The following RANBP17 variants were observed in gnomAD, a reference collection of about 807,000 sequenced individuals.
RANBP17 encodes ran-binding protein 17.
RANBP17 carries 158 observed loss-of-function variants against 141.2 expected under a neutral mutation model. That is an observed-to-expected ratio of 1.12 (90% CI 0.98 to 1.28). The LOEUF is 1.28. Among genes scored for constraint, RANBP17 ranks in the 50% most tolerant of loss-of-function variants. The probability of loss-of-function intolerance (pLI) is 0.00; values close to 1 mark genes in which losing one functional copy is unlikely to be tolerated. For synonymous variants in RANBP17, 430 were observed against 450.0 expected, an observed-to-expected ratio of 0.96 and a Z score of 0.56; for missense variants, 1,438 against 1,290.7, an observed-to-expected ratio of 1.11 and a Z score of -1.75.
chr5:171,272,645 T>TA (rs1226618586), intron 25 of RANBP17, among the ~76,000 whole-genome samples: 2 of 152,234 alleles, frequency 1.3e-5, no homozygotes, highest in Non-Finnish European at 2.9e-5. Flanking sequence ...TTCCTTTGTT[T>TA]AGTGGCTTCT....
intron 22 of RANBP17, among the ~76,000 whole-genome samples, chr5:171,228,350 G>A (rs1764000142): frequency 6.6e-6 from 1 of 152,204 alleles, no homozygotes; most frequent in South Asian, 2.1e-4. Flanking sequence ...CTGCAGATGT[G>A]GTTGAAACAG....
At chr5:171,255,648 A>G (rs1765833627) in intron 24 of RANBP17, among the ~76,000 whole-genome samples, 1 of 152,172 alleles carries the variant, frequency 6.6e-6, no homozygotes, top group Non-Finnish European at 1.5e-5. Context: ...AGTTTATCAA[A>G]AATTCAATAT....
intron 14 of RANBP17, among the ~76,000 whole-genome samples, chr5:171,157,728 CTG>C (rs1021851275): frequency 6.6e-6 from 1 of 152,208 alleles, no homozygotes; most frequent in Non-Finnish European, 1.5e-5. Flanking sequence ...TTTATGATGA[CTG>C]TGAACAGTAA....
chr5:170,870,455 T>A (rs923576179), intron 1 of RANBP17, among the ~76,000 whole-genome samples: 2 of 151,862 alleles, frequency 1.3e-5, no homozygotes, highest in Non-Finnish European at 2.9e-5. Flanking sequence ...CACTTATGGG[T>A]GAGAACATTT....
intron 14 of RANBP17, chr5:170,968,881 T>C (rs2446049): frequency 1 from 306,654 of 306,920 alleles, 153,197 homozygotes; most frequent in Middle Eastern, 1. Flanking sequence ...TTAGCATCAG[T>C]AAGTTAAGAT....
intron 12 of RANBP17, among the ~76,000 whole-genome samples, chr5:170,936,714 A>G (rs1773907783): frequency 6.6e-6 from 1 of 152,200 alleles, no homozygotes; most frequent in Admixed American, 6.5e-5. Context: ...TTTTGGGTGT[A>G]ATATAAATAT....
intron 14 of RANBP17, among the ~76,000 whole-genome samples, chr5:171,031,612 C>T (rs1221853123): frequency 6.6e-6 from 1 of 151,894 alleles, no homozygotes; most frequent in Non-Finnish European, 1.5e-5. Flanking sequence ...TTTTAAATTT[C>T]TTCATGTTCA....
At chr5:170,920,916 C>T (rs139131573) in intron 11 of RANBP17, among the ~76,000 whole-genome samples, 1,778 of 152,166 alleles carry the variant, frequency 0.012, 32 homozygotes, top group African/African-American at 0.041. Flanking sequence ...CTGTTCATAT[C>T]CTTTGCCCAC....
chr5:171,182,736 G>A (rs1418925588), intron 16 of RANBP17, among the ~76,000 whole-genome samples: 1 of 151,970 alleles, frequency 6.6e-6, no homozygotes, highest in East Asian at 1.9e-4. Flanking sequence ...TACCAAGAGA[G>A]CTCACTATTT....
intron 14 of RANBP17, among the ~76,000 whole-genome samples, chr5:171,056,340 A>G (rs983084005): frequency 1.2e-4 from 19 of 152,282 alleles, no homozygotes; most frequent in South Asian, 6.2e-4. Context: ...CACCTTTTAA[A>G]GAGGATCAAA....
At chr5:171,022,893 ATG>A (rs1780976064) in intron 14 of RANBP17, among the ~76,000 whole-genome samples, 1 of 152,182 alleles carries the variant, frequency 6.6e-6, no homozygotes, top group African/African-American at 2.4e-5. Context: ...TGGGGTTGGG[ATG>A]CTAGCCCCAG....
chr5:171,076,324 G>A (rs1784917960), intron 14 of RANBP17, among the ~76,000 whole-genome samples: 1 of 152,144 alleles, frequency 6.6e-6, no homozygotes, highest in Admixed American at 6.5e-5. Flanking sequence ...AAGAAACAAT[G>A]AAAGATATCT....
At chr5:170,967,260 A>G (rs1017922748) in intron 13 of RANBP17, among the ~76,000 whole-genome samples, 34 of 152,124 alleles carry the variant, frequency 2.2e-4, no homozygotes, top group African/African-American at 8.2e-4. Flanking sequence ...CTGTACATAC[A>G]TAAAACATTC....
In RANBP17 at chr5:171,274,147, T is replaced by TGCGCGC. The variant is rs1491523668; in HGVS notation, c.2943+8301_2943+8302insCGCGCG. On this transcript the variant is annotated intron_variant, in intron 25 of 27. Transcript: ENST00000523189. ...GTGTGTGTGTGTGTGTGTGTGTGTG[T>TGCGCGC]GTGCGCGCGCGCGCGCGTGCGCAAA... 4.1e-5 allele frequency among the ~76,000 whole-genome samples: 5 copies of TGCGCGC among 122,950 alleles called. No individual in the cohort carries two copies. The East Asian group carries it at 6.7e-4, about 17-fold the overall frequency. 80.7% of individuals were successfully genotyped at this position (122,950 alleles called of 152,430 possible).
At chr5:170,896,238 A>G in intron 5 of RANBP17, 123 bp downstream of exon 5, 2 of 654,764 alleles carry the variant, frequency 3.1e-6, no homozygotes, top group Non-Finnish European at 5.3e-6. Flanking sequence ...TGAATAATCA[A>G]GTTTTTTGTG....
At chr5:170,863,275 G>A (rs1317677178) in intron 1 of RANBP17, among the ~76,000 whole-genome samples, 2 of 152,198 alleles carry the variant, frequency 1.3e-5, no homozygotes, top group Admixed American at 1.3e-4. Context: ...ATGGGATCAG[G>A]GGAGGCAGTG....
intron 14 of RANBP17, among the ~76,000 whole-genome samples, chr5:171,084,119 A>ACTC (rs1296853200): frequency 1.6e-3 from 139 of 85,432 alleles, no homozygotes; most frequent in African/African-American, 6.4e-3. Context: ...CCCTCCCCCG[A>ACTC]CCCCACCACA....
At chr5:171,174,792 G>GTT (rs1448845140) in intron 16 of RANBP17, among the ~76,000 whole-genome samples, 4 of 148,304 alleles carry the variant, frequency 2.7e-5, no homozygotes, top group African/African-American at 1.0e-4. Context: ...GTGTGTGTGT[G>GTT]TATTTTGAGG....
intron 14 of RANBP17, among the ~76,000 whole-genome samples, chr5:171,011,147 T>A (rs1780008209): frequency 6.6e-6 from 1 of 152,066 alleles, no homozygotes; most frequent in African/African-American, 2.4e-5. Flanking sequence ...ATACAAAAAT[T>A]CCCAATAATT....
Sources: allele counts gnomAD v4.1 joint callset (sites outside exome capture counted in the v4.1 genomes callset), GRCh38; gene constraint gnomAD v4.1.1; transcripts MANE v1.5; gene names NCBI Gene and HGNC (gene_info 2026-07-23, HGNC 2026-07-21).